Variants in SPATA6L observed in about 807,000 individuals in gnomAD.
The protein encoded by SPATA6L is spermatogenesis associated 6-like protein.
In SPATA6L, 68 loss-of-function variants were observed where a neutral mutation model predicts 49.2. The ratio of observed to expected loss-of-function variants is 1.38; its 90% CI spans 1.14 to 1.69. SPATA6L has a LOEUF of 1.69. Among genes scored for constraint, SPATA6L ranks in the 40% most tolerant of loss-of-function variants. The probability of loss-of-function intolerance (pLI) is 0.00; values close to 1 mark genes in which losing one functional copy is unlikely to be tolerated. For synonymous variants in SPATA6L, 198 were observed against 165.7 expected (o/e 1.19, Z -1.50); for missense variants, 668 against 464.3 (o/e 1.44, Z -4.03).
chr9:4,666,100 T>A lies in SPATA6L; in HGVS notation c.39+112A>T, dbSNP rs923568013. 4.2e-6 allele frequency: 4 copies of A among 943,772 alleles called. No homozygotes were observed. In the Admixed American group the frequency reaches 7.1e-5, roughly 17 times the overall value. 58.5% of individuals were successfully genotyped at this position (943,772 alleles called of 1,614,324 possible). ...CAAAGGTGCGATCTGTCCCAGAAGA[T>A]AATGATGTGTTTGTGGTAAGTGGGG... On this transcript the variant is annotated intron_variant, in intron 1 of 11. Transcript: ENST00000682582.
At chr9:4,621,058 A>G (rs1419379172) in intron 7 of SPATA6L, among the ~76,000 whole-genome samples, 1 of 152,222 alleles carries the variant, frequency 6.6e-6, no homozygotes, top group East Asian at 1.9e-4. Context: ...AGTCCCTTAA[A>G]ATGTAAACCT....
intron 2 of SPATA6L, among the ~76,000 whole-genome samples, chr9:4,657,625 C>T (rs1163826201): frequency 6.6e-6 from 1 of 152,108 alleles, no homozygotes; most frequent in East Asian, 1.9e-4. Context: ...CTAGGCAGCA[C>T]TCAGAACTAA....
At chr9:4,601,641 T>C (rs1448361872) in intron 11 of SPATA6L, among the ~76,000 whole-genome samples, 1 of 152,038 alleles carries the variant, frequency 6.6e-6, no homozygotes, top group Non-Finnish European at 1.5e-5. Context: ...TCGAGATCGC[T>C]GGGGAGCCAG....
chr9:4,604,712 A>G (rs895086117), intron 10 of SPATA6L, among the ~76,000 whole-genome samples: 13 of 152,216 alleles, frequency 8.5e-5, no homozygotes, highest in Admixed American at 3.3e-4. Flanking sequence ...TCAGTATATA[A>G]TAAGTCAAGA....
rs1333674800 is a variant in SPATA6L, at chr9:4,599,283, A to G, written c.*1528T>C. 6.6e-6 allele frequency among the ~76,000 whole-genome samples: 1 copy of G among 152,178 alleles called. No individual in the cohort carries two copies. Among genetic ancestry groups the G allele is most frequent in the Admixed American group, 6.5e-5 (1 of 15,276 alleles). ...TCAGATTTCAGATTTTTAGATTGGG[A>G]GGTTCAACTTGGATATACCTTTATT... On this transcript the variant is annotated 3_prime_UTR_variant, in exon 12 of 12. Transcript: ENST00000682582.
At position 4,600,050 on chromosome 9, in the gene SPATA6L, G is replaced by A. The variant is rs1181170024; in HGVS notation, c.*761C>T. Among the ~76,000 whole-genome samples, 4 of 152,226 alleles carry A rather than the reference G, an allele frequency of 2.6e-5. No individual in the cohort carries two copies. In the East Asian group the frequency reaches 7.7e-4, roughly 29 times the overall value. ...CCTTCCTAACTAACTTTAAAACCTG[G>A]CATTGGCAGTCCTATCTGTAGAACC... On this transcript the variant is annotated 3_prime_UTR_variant, in exon 12 of 12. Transcript: ENST00000682582.
At chr9:4,595,901 A>T (rs114836700), downstream of SPATA6L, among the ~76,000 whole-genome samples, 1 of 152,234 alleles carries the variant, frequency 6.6e-6, no homozygotes, top group South Asian at 2.1e-4. Flanking sequence ...GGCAAGACCC[A>T]GCTTCAGACC....
chr9:4,644,895 A>G (rs1006418835), intron 3 of SPATA6L, among the ~76,000 whole-genome samples: 6 of 152,174 alleles, frequency 3.9e-5, no homozygotes, highest in Non-Finnish European at 7.4e-5. Context: ...CTAGAATCTC[A>G]TGATTCTAGC....
At chr9:4,656,890 A>G (rs1425795057) in intron 2 of SPATA6L, among the ~76,000 whole-genome samples, 1 of 152,236 alleles carries the variant, frequency 6.6e-6, no homozygotes, top group Non-Finnish European at 1.5e-5. Context: ...CATAAAAAGA[A>G]ATATTACCTA....
At chr9:4,655,544 G>GT (rs1317759525) in intron 3 of SPATA6L, among the ~76,000 whole-genome samples, 2 of 149,712 alleles carry the variant, frequency 1.3e-5, no homozygotes, top group East Asian at 1.9e-4. Flanking sequence ...TAGTTTTTTT[G>GT]TTTTTTTGTT....
In SPATA6L at chr9:4,623,053, G is replaced by A. The variant is rs577974308; in HGVS notation, c.670-543C>T. On this transcript the variant is annotated intron_variant, in intron 6 of 11. Coordinates refer to ENST00000682582, the MANE Select transcript of SPATA6L (RefSeq NM_001353486.2). Reference sequence around the variant, plus strand: ...CCACCACTTTGGGAGGCCGAGGAGGGTGGATCACCTGAGGTCGGGAGTTCA... The same window carrying A: ...CCACCACTTTGGGAGGCCGAGGAGGATGGATCACCTGAGGTCGGGAGTTCA... 2.0e-5 allele frequency among the ~76,000 whole-genome samples: 3 copies of A among 152,278 alleles called. No homozygotes were observed. In the East Asian group the frequency reaches 5.8e-4, roughly 29 times the overall value.
At chr9:4,654,198 G>A (rs1363339971) in intron 3 of SPATA6L, among the ~76,000 whole-genome samples, 1 of 152,204 alleles carries the variant, frequency 6.6e-6, no homozygotes, top group Non-Finnish European at 1.5e-5. Context: ...TACATTGCTG[G>A]TGGGATGTAA....
intron 1 of SPATA6L, chr9:4,663,941 C>T (rs979836896): frequency 1.2e-5 from 2 of 167,058 alleles, no homozygotes; most frequent in Non-Finnish European, 2.9e-5. Flanking sequence ...CTCCATCCCT[C>T]AAAAGATCTT....
At chr9:4,640,003 T>G (rs532325763) in intron 3 of SPATA6L, among the ~76,000 whole-genome samples, 2 of 152,352 alleles carry the variant, frequency 1.3e-5, no homozygotes, top group Non-Finnish European at 2.9e-5. Flanking sequence ...TCCTTGCTAA[T>G]GCCTATAAAA....
chr9:4,625,259 T>C, intron 6 of SPATA6L, 68 bp downstream of exon 6: 2 of 1,520,120 alleles, frequency 1.3e-6, no homozygotes, highest in Non-Finnish European at 1.8e-6. Context: ...AACTCAACCT[T>C]CCTTTCTTCC....
chr9:4,631,377 T>C (rs1831507621), intron 4 of SPATA6L, among the ~76,000 whole-genome samples: 1 of 152,130 alleles, frequency 6.6e-6, no homozygotes, highest in Non-Finnish European at 1.5e-5. Flanking sequence ...TAGATAATTG[T>C]GCAATCTTCT....
chr9:4,641,268 C>T (rs1833976191), intron 3 of SPATA6L, among the ~76,000 whole-genome samples: 1 of 152,010 alleles, frequency 6.6e-6, no homozygotes, highest in African/African-American at 2.4e-5. Context: ...ATATAGTCAT[C>T]CCTAAGTATC....
intron 3 of SPATA6L, among the ~76,000 whole-genome samples, chr9:4,653,568 A>T (rs1370236723): frequency 6.6e-6 from 1 of 152,346 alleles, no homozygotes; most frequent in East Asian, 1.9e-4. Context: ...GTGAAAGACA[A>T]TTCTAGAATG....
At chr9:4,658,366 A>G (rs1052471678) in intron 2 of SPATA6L, among the ~76,000 whole-genome samples, 9 of 152,228 alleles carry the variant, frequency 5.9e-5, no homozygotes, top group African/African-American at 1.7e-4. Context: ...AGATCCGAGG[A>G]AAAGAAAATT....
Sources: gnomAD v4.1 joint callset for allele counts (sites outside exome capture counted in the v4.1 genomes callset) on GRCh38, gnomAD v4.1.1 for gene constraint, MANE v1.5 for transcripts, NCBI Gene and HGNC (gene_info 2026-07-23, HGNC 2026-07-21) for gene names.